Variants in PARD3 observed in about 807,000 individuals in gnomAD.
The protein encoded by PARD3 is partitioning defective 3 homolog.
A neutral mutation model predicts 155.4 loss-of-function variants in PARD3; 75 were observed. The observed-to-expected ratio is 0.48, with a 90% CI of 0.40 to 0.58. The LOEUF is 0.58. PARD3 is among the 20% of genes least tolerant of loss of function. The pLI, the probability that PARD3 is intolerant of heterozygous loss-of-function variation, is 0.00. For synonymous variants in PARD3, 576 were observed against 610.5 expected, an observed-to-expected ratio of 0.94 and a Z score of 0.83; for missense variants, 1,642 against 1,721.7, an observed-to-expected ratio of 0.95 and a Z score of 0.82.
chr10:34,306,247 C>G (rs952891479), intron 20 of PARD3, among the ~76,000 whole-genome samples: 1 of 149,406 alleles, frequency 6.7e-6, no homozygotes, highest in Non-Finnish European at 1.5e-5. Context: ...CGCCAGTGCA[C>G]TCCAGCCTGG....
intron 1 of PARD3, among the ~76,000 whole-genome samples, chr10:34,736,133 G>A (rs996282431): frequency 2.6e-5 from 4 of 151,820 alleles, no homozygotes; most frequent in Non-Finnish European, 5.9e-5. Context: ...CCGGGTTCAC[G>A]CCATTCTCAT....
chr10:34,772,852 C>T (rs1436881878), intron 1 of PARD3, among the ~76,000 whole-genome samples: 2 of 148,378 alleles, frequency 1.3e-5, no homozygotes, highest in Non-Finnish European at 3.0e-5. Context: ...GTATTCTCAA[C>T]GGAGCAAGAA....
chr10:34,460,896 G>A (rs553351117), intron 4 of PARD3, among the ~76,000 whole-genome samples: 52 of 152,184 alleles, frequency 3.4e-4, no homozygotes, highest in African/African-American at 1.1e-3. Flanking sequence ...TTCTGGTATA[G>A]GTATAATTAA....
chr10:34,267,789 C>A (rs1955399768), intron 22 of PARD3, among the ~76,000 whole-genome samples: 1 of 152,112 alleles, frequency 6.6e-6, no homozygotes, highest in Non-Finnish European at 1.5e-5. Context: ...ACCAATGGTA[C>A]CAGCATCAAA....
intron 2 of PARD3, among the ~76,000 whole-genome samples, chr10:34,651,615 A>AAGGCC (rs1236863183): frequency 6.6e-6 from 1 of 152,170 alleles, no homozygotes; most frequent in African/African-American, 2.4e-5. Context: ...CAGATCAACA[A>AAGGCC]AGGCCAGGCC....
At chr10:34,808,772 G>A (rs985008911) in intron 1 of PARD3, among the ~76,000 whole-genome samples, 1 of 152,196 alleles carries the variant, frequency 6.6e-6, no homozygotes, top group Non-Finnish European at 1.5e-5. Context: ...CATCCAAGTG[G>A]GACTTTAAAT....
chr10:34,387,667 T>A (rs1842484079), intron 7 of PARD3, among the ~76,000 whole-genome samples: 1 of 152,188 alleles, frequency 6.6e-6, no homozygotes, highest in Admixed American at 6.5e-5. Context: ...CCAAAAGTAT[T>A]GGGATTACAG....
intron 24 of PARD3, among the ~76,000 whole-genome samples, chr10:34,114,207 A>T (rs1254407027): frequency 6.6e-6 from 1 of 152,076 alleles, no homozygotes; most frequent in Non-Finnish European, 1.5e-5. Context: ...GGCTGCAGTG[A>T]GCCGTGATTG....
chr10:34,775,235 C>T (rs1169320222), intron 1 of PARD3, among the ~76,000 whole-genome samples: 1 of 152,176 alleles, frequency 6.6e-6, no homozygotes, highest in African/African-American at 2.4e-5. Flanking sequence ...AGGAACAAAT[C>T]AGTCAGGCAT....
chr10:34,786,236 G>C (rs907481246), intron 1 of PARD3, among the ~76,000 whole-genome samples: 1 of 152,170 alleles, frequency 6.6e-6, no homozygotes, highest in African/African-American at 2.4e-5. Context: ...AATATTCTCA[G>C]CAGATGAGCC....
intron 22 of PARD3, among the ~76,000 whole-genome samples, chr10:34,223,047 G>A (rs1952392126): frequency 6.6e-6 from 1 of 152,170 alleles, no homozygotes; most frequent in African/African-American, 2.4e-5. Flanking sequence ...AACCCTCTGT[G>A]TTCGGTAAGT....
chr10:34,382,639 C>T lies in PARD3; in HGVS notation c.1300G>A (p.Ala434Thr), dbSNP rs200569536. Residue 434 changes from alanine to threonine, a missense_variant, in exon 9 of 25, where the codon GCT becomes ACT. Ala to Thr is a moderately conservative substitution (Grantham distance 58). Transcript: ENST00000374788. ...ACATTCTGAGGTGCCGAGGCTGGAG[C>T]GGATGGTGGTTTTCCCGAGGGGTGT... ...SAHPSGKPPS[A>T]PASAPQNVFS... 149 of 1,614,018 alleles carry T rather than the reference C, an allele frequency of 9.2e-5. No homozygotes were observed. The highest frequency in any genetic ancestry group is 1.7e-4 in the Middle Eastern group (1 of 6,034).
At chr10:34,135,711 A>C (rs1947859051) in intron 22 of PARD3, among the ~76,000 whole-genome samples, 1 of 152,236 alleles carries the variant, frequency 6.6e-6, no homozygotes, top group Non-Finnish European at 1.5e-5. Context: ...GTACGATGAG[A>C]GGGAACAGAA....
chr10:34,167,948 A>G (rs1949611298), intron 22 of PARD3, among the ~76,000 whole-genome samples: 1 of 152,212 alleles, frequency 6.6e-6, no homozygotes, highest in African/African-American at 2.4e-5. Flanking sequence ...AACAAAAAAA[A>G]GGGTGACCTC....
chr10:34,115,817 A>C (rs571883269), intron 24 of PARD3, among the ~76,000 whole-genome samples: 8 of 149,920 alleles, frequency 5.3e-5, no homozygotes, highest in Non-Finnish European at 1.2e-4. Context: ...GGTTCACACC[A>C]TTCTCCTGCC....
intron 22 of PARD3, among the ~76,000 whole-genome samples, chr10:34,250,843 C>G (rs61840225): frequency 0.15 from 23,432 of 152,018 alleles, 2,453 homozygotes; most frequent in African/African-American, 0.3. Context: ...ATATATCATA[C>G]AGCTATTGAA....
At chr10:34,782,622 C>T (rs889579494) in intron 1 of PARD3, among the ~76,000 whole-genome samples, 1 of 152,212 alleles carries the variant, frequency 6.6e-6, no homozygotes, top group African/African-American at 2.4e-5. Flanking sequence ...GTTACCTCTA[C>T]CCCAGCAACT....
chr10:34,600,445 G>C (rs2132492038), intron 2 of PARD3, among the ~76,000 whole-genome samples: 1 of 151,712 alleles, frequency 6.6e-6, no homozygotes, highest in Middle Eastern at 3.4e-3. Flanking sequence ...CAGAATGTCT[G>C]AAATGAAAAA....
chr10:34,314,137 A>C (rs1455452532), intron 20 of PARD3, among the ~76,000 whole-genome samples: 1 of 152,210 alleles, frequency 6.6e-6, no homozygotes, highest in African/African-American at 2.4e-5. Flanking sequence ...AAAAGAACAA[A>C]GAGAAAGGAA....
Sources: gnomAD v4.1 joint callset for allele counts (sites outside exome capture counted in the v4.1 genomes callset) on GRCh38, gnomAD v4.1.1 for gene constraint, MANE v1.5 for transcripts, NCBI Gene and HGNC (gene_info 2026-07-23, HGNC 2026-07-21) for gene names.